The following GLCE variants were observed in gnomAD, a reference collection of about 807,000 sequenced individuals.
GLCE encodes the protein glucuronic acid epimerase.
A neutral mutation model predicts 47.9 loss-of-function variants in GLCE; 19 were observed. That is an observed-to-expected ratio of 0.40 (90% CI 0.28 to 0.58). The LOEUF is 0.58. GLCE is among the 20% of genes least tolerant of loss of function. The probability of loss-of-function intolerance (pLI) is 0.48; values close to 1 mark genes in which losing one functional copy is unlikely to be tolerated. For synonymous variants in GLCE, 245 were observed against 263.4 expected (o/e 0.93, Z 0.68); for missense variants, 556 against 743.3 (o/e 0.75, Z 2.93).
chr15:69,206,245 G>A (rs998868828), intron 1 of GLCE, among the ~76,000 whole-genome samples: 2 of 152,030 alleles, frequency 1.3e-5, no homozygotes, highest in African/African-American at 4.8e-5. Flanking sequence ...CTGAGGTTAT[G>A]AGTTTTAGGA....
chr15:69,224,965 A>G (rs1291529496), intron 2 of GLCE, among the ~76,000 whole-genome samples: 1 of 152,180 alleles, frequency 6.6e-6, no homozygotes, highest in African/African-American at 2.4e-5. Flanking sequence ...AATTATGTTA[A>G]TAGTAAACTC....
At chr15:69,235,552 G>A (rs1018279017) in intron 2 of GLCE, among the ~76,000 whole-genome samples, 1 of 152,098 alleles carries the variant, frequency 6.6e-6, no homozygotes, top group Non-Finnish European at 1.5e-5. Context: ...AAAGCAGAAA[G>A]TATGATATCA....
At chr15:69,206,954 A>G (rs1330698556) in intron 1 of GLCE, among the ~76,000 whole-genome samples, 1 of 152,026 alleles carries the variant, frequency 6.6e-6, no homozygotes, top group East Asian at 1.9e-4. Flanking sequence ...ATTTTGCTGT[A>G]TATATATTAT....
At chr15:69,208,373 A>G (rs2052179847) in intron 1 of GLCE, among the ~76,000 whole-genome samples, 1 of 152,046 alleles carries the variant, frequency 6.6e-6, no homozygotes, top group Admixed American at 6.6e-5. Flanking sequence ...CAGTTGTTCC[A>G]ACACCATTTG....
chr15:69,246,925 A>G (rs1358105192), intron 2 of GLCE, among the ~76,000 whole-genome samples: 2 of 152,182 alleles, frequency 1.3e-5, no homozygotes, highest in Non-Finnish European at 2.9e-5. Context: ...AGTGGGCTTC[A>G]GATATTCAGT....
In GLCE at chr15:69,256,272, C is replaced by A; in HGVS notation, c.466C>A (p.His156Asn). 6.2e-7 allele frequency: 1 copy of A among 1,613,898 alleles called. No individual in the cohort carries two copies. Among genetic ancestry groups the A allele is most frequent in the South Asian group, 1.1e-5 (1 of 91,080 alleles). ...TGGCTATGATCGGTTTGAATTCTCT[C>A]ATAGCTATTCCAAAGTCTATGCACA... is the stretch of plus-strand genomic sequence containing the variant. Reference protein sequence around the residue: ...YDGYDRFEFSHSYSKVYAQRA... With the variant: ...YDGYDRFEFSNSYSKVYAQRA... Residue 156 changes from histidine (H) to asparagine (N), a missense_variant, in exon 3 of 5, where the codon CAT becomes AAT. Around this residue, in one of 3 missense-constraint regions of GLCE, gnomAD observed 237 missense variants for 310.9 expected, o/e 0.76. Coordinates refer to ENST00000261858, the MANE Select transcript of GLCE (RefSeq NM_015554.3).
chr15:69,207,473 C>T (rs1330009152), intron 1 of GLCE, among the ~76,000 whole-genome samples: 2 of 152,046 alleles, frequency 1.3e-5, no homozygotes, highest in African/African-American at 4.8e-5. Context: ...TTGCATTTTC[C>T]ATTGTGTCAT....
At chr15:69,224,989 T>C (rs1034572436) in intron 2 of GLCE, among the ~76,000 whole-genome samples, 4 of 152,336 alleles carry the variant, frequency 2.6e-5, no homozygotes, top group Middle Eastern at 6.8e-3. Context: ...ATAAGTGATA[T>C]AGTTTTTTGG....
At chr15:69,179,196 G>A (rs1421841876) in intron 1 of GLCE, among the ~76,000 whole-genome samples, 2 of 152,210 alleles carry the variant, frequency 1.3e-5, no homozygotes, top group African/African-American at 2.4e-5. Context: ...TTGGAAATCA[G>A]ATCTCGGTAT....
intron 1 of GLCE, among the ~76,000 whole-genome samples, chr15:69,194,267 A>G (rs2051954696): frequency 6.6e-6 from 1 of 152,178 alleles, no homozygotes; most frequent in African/African-American, 2.4e-5. Flanking sequence ...AGGAATTTTA[A>G]TATGGGTCAG....
intron 2 of GLCE, among the ~76,000 whole-genome samples, chr15:69,250,867 A>G (rs1359454790): frequency 6.6e-6 from 1 of 151,626 alleles, no homozygotes; most frequent in African/African-American, 2.4e-5. Flanking sequence ...CTATATATGC[A>G]TTGTTTACTT....
At chr15:69,170,882 A>G (rs1203424098) in intron 1 of GLCE, among the ~76,000 whole-genome samples, 1 of 152,234 alleles carries the variant, frequency 6.6e-6, no homozygotes, top group Non-Finnish European at 1.5e-5. Flanking sequence ...TGAAAAGCCA[A>G]GTTTTTGAAA....
At chr15:69,203,449 G>A (rs376184248) in intron 1 of GLCE, among the ~76,000 whole-genome samples, 1 of 152,092 alleles carries the variant, frequency 6.6e-6, no homozygotes, top group African/African-American at 2.4e-5. Context: ...CCTTTGTTTA[G>A]TAAGTTGAAC....
At chr15:69,183,086 G>C (rs889163431) in intron 1 of GLCE, among the ~76,000 whole-genome samples, 1 of 152,126 alleles carries the variant, frequency 6.6e-6, no homozygotes, top group African/African-American at 2.4e-5. Context: ...ATGGGAATGA[G>C]TATAAAATAG....
At chr15:69,185,441 G>A (rs1325691866) in intron 1 of GLCE, among the ~76,000 whole-genome samples, 2 of 152,048 alleles carry the variant, frequency 1.3e-5, no homozygotes, top group Non-Finnish European at 2.9e-5. Flanking sequence ...GAAGCGTTGT[G>A]GTAAAGTAGA....
chr15:69,234,668 A>G (rs2052570505), intron 2 of GLCE, among the ~76,000 whole-genome samples: 1 of 152,062 alleles, frequency 6.6e-6, no homozygotes, highest in African/African-American at 2.4e-5. Context: ...AAAAACCAAC[A>G]GAAAGTATCT....
At chr15:69,201,401 A>G (rs373984177) in intron 1 of GLCE, among the ~76,000 whole-genome samples, 2 of 152,054 alleles carry the variant, frequency 1.3e-5, no homozygotes, top group South Asian at 2.1e-4. Flanking sequence ...TGCTGTGTCT[A>G]GTCATTGTAG....
At chr15:69,175,516 T>C (rs1264769934) in intron 1 of GLCE, among the ~76,000 whole-genome samples, 3 of 152,218 alleles carry the variant, frequency 2.0e-5, no homozygotes, top group African/African-American at 7.2e-5. Context: ...TAAAATAGAA[T>C]ATATTTTAAC....
At chr15:69,249,325 T>C (rs962824938) in intron 2 of GLCE, among the ~76,000 whole-genome samples, 11 of 152,304 alleles carry the variant, frequency 7.2e-5, no homozygotes, top group African/African-American at 2.2e-4. Flanking sequence ...ATAGTCTACA[T>C]AACTTTTTTT....
Sources: allele counts gnomAD v4.1 joint callset (sites outside exome capture counted in the v4.1 genomes callset), GRCh38; gene constraint gnomAD v4.1.1; regional missense constraint gnomAD v4.1.1; transcripts MANE v1.5; gene names NCBI Gene and HGNC (gene_info 2026-07-23, HGNC 2026-07-21).